The following CADM2 variants were observed in gnomAD, a reference collection of about 807,000 sequenced individuals.
The protein encoded by CADM2 is immunoglobulin superfamily member 4D.
Under a neutral mutation model 49.8 loss-of-function variants are expected in CADM2, and 12 were observed. That is an observed-to-expected ratio of 0.24 (90% CI 0.15 to 0.39). CADM2 has a LOEUF of 0.39. Ranked by LOEUF, CADM2 falls within the 10% of genes least tolerant of loss-of-function variation. CADM2 has a pLI of 1.00. For synonymous variants in CADM2, 214 were observed against 175.4 expected (o/e 1.22, Z -1.74); for missense variants, 378 against 492.3 (o/e 0.77, Z 2.20).
intron 1 of CADM2, among the ~76,000 whole-genome samples, chr3:85,059,776 G>T (rs1220043365): frequency 6.6e-6 from 1 of 152,152 alleles, no homozygotes; most frequent in South Asian, 2.1e-4. Context: ...CAATTGTGAG[G>T]TCTCCCCAGC....
At chr3:85,338,787 A>C (rs1232861040) in intron 1 of CADM2, among the ~76,000 whole-genome samples, 1 of 151,464 alleles carries the variant, frequency 6.6e-6, no homozygotes, top group Non-Finnish European at 1.5e-5. Context: ...AAAGTCACCA[A>C]ATTTTGGCTC....
At chr3:85,907,651 C>A (rs531087688) in intron 5 of CADM2, among the ~76,000 whole-genome samples, 2 of 152,226 alleles carry the variant, frequency 1.3e-5, no homozygotes, top group South Asian at 4.2e-4. Context: ...TGGCTCACAC[C>A]TATAATCCTA....
At chr3:85,919,622 C>T (rs1054788223) in intron 6 of CADM2, among the ~76,000 whole-genome samples, 3 of 151,732 alleles carry the variant, frequency 2.0e-5, no homozygotes, top group East Asian at 3.9e-4. Flanking sequence ...AGTTACCATG[C>T]GAATTACTAA....
chr3:85,264,500 TTCA>T (rs1357303011), intron 1 of CADM2, among the ~76,000 whole-genome samples: 1 of 152,106 alleles, frequency 6.6e-6, no homozygotes, highest in Non-Finnish European at 1.5e-5. Flanking sequence ...GGACTATTCT[TTCA>T]CTTGCCTAGT....
chr3:85,789,853 TGGCA>T lies in CADM2; in HGVS notation c.89-12191_89-12188del, dbSNP rs2071221997. Among the ~76,000 whole-genome samples, 3 of 152,214 alleles carry T rather than the reference TGGCA, an allele frequency of 2.0e-5. No homozygotes were observed. The South Asian group carries it at 6.2e-4, about 31-fold the overall frequency. On this transcript the variant is annotated intron_variant, in intron 2 of 9. Coordinates refer to ENST00000383699, the MANE Select transcript of CADM2 (RefSeq NM_001167675.2). ...ACAAGTTTGTGTTCATTTTGCATTT[TGGCA>T]GGGTAATAAGCAGAAAAGCTAAGAA...
At chr3:85,375,297 A>G (rs2033524883) in intron 1 of CADM2, among the ~76,000 whole-genome samples, 1 of 152,162 alleles carries the variant, frequency 6.6e-6, no homozygotes, top group South Asian at 2.1e-4. Context: ...TTTGATTCCA[A>G]TTAAATTTCT....
At chr3:85,125,675 C>A (rs1392852810) in intron 1 of CADM2, among the ~76,000 whole-genome samples, 1 of 152,178 alleles carries the variant, frequency 6.6e-6, no homozygotes, top group East Asian at 1.9e-4. Context: ...CTCTTGGGGA[C>A]TCTTCAGTTG....
chr3:85,400,554 A>G (rs2035049595), intron 1 of CADM2, among the ~76,000 whole-genome samples: 1 of 152,148 alleles, frequency 6.6e-6, no homozygotes, highest in Admixed American at 6.5e-5. Flanking sequence ...CTCTGGTAGA[A>G]TTCGGCTGTG....
chr3:85,257,717 TC>T (rs1279903071), intron 1 of CADM2, among the ~76,000 whole-genome samples: 2 of 152,162 alleles, frequency 1.3e-5, no homozygotes, highest in African/African-American at 4.8e-5. Context: ...GGCTGTCTCT[TC>T]TTCACTGGTG....
At chr3:85,943,703 A>G (rs1722269155) in intron 7 of CADM2, among the ~76,000 whole-genome samples, 1 of 151,940 alleles carries the variant, frequency 6.6e-6, no homozygotes, top group South Asian at 2.1e-4. Context: ...AAACAGAGAT[A>G]TAGATCAATG....
intron 1 of CADM2, among the ~76,000 whole-genome samples, chr3:85,171,932 G>T (rs1178013861): frequency 6.6e-6 from 1 of 152,066 alleles, no homozygotes; most frequent in Non-Finnish European, 1.5e-5. Flanking sequence ...AATTTACACT[G>T]CAAAAAGACT....
intron 1 of CADM2, among the ~76,000 whole-genome samples, chr3:85,441,592 G>T (rs1436158636): frequency 6.6e-6 from 1 of 151,894 alleles, no homozygotes; most frequent in African/African-American, 2.4e-5. Flanking sequence ...TAACATTCTG[G>T]ATTTATAATC....
chr3:85,629,955 C>T (rs1047677202), intron 1 of CADM2, among the ~76,000 whole-genome samples: 1 of 151,902 alleles, frequency 6.6e-6, no homozygotes, highest in African/African-American at 2.4e-5. Context: ...ATGTCAAATG[C>T]TCATTAAGTG....
intron 7 of CADM2, among the ~76,000 whole-genome samples, chr3:85,942,116 G>GT (rs1721988435): frequency 6.6e-6 from 1 of 152,010 alleles, no homozygotes; most frequent in South Asian, 2.1e-4. Context: ...TTTACCCAGT[G>GT]TTTTTTAGCA....
intron 1 of CADM2, among the ~76,000 whole-genome samples, chr3:85,216,256 A>C (rs1004807014): frequency 6.8e-6 from 1 of 148,118 alleles, no homozygotes; most frequent in Non-Finnish European, 1.5e-5. Flanking sequence ...GACTATTAAA[A>C]TATTTAATAG....
intron 2 of CADM2, among the ~76,000 whole-genome samples, chr3:85,796,738 G>A (rs2071646872): frequency 6.6e-6 from 1 of 151,908 alleles, no homozygotes; most frequent in South Asian, 2.1e-4. Flanking sequence ...TTCCAGTGGG[G>A]GAACAGCGCT....
At chr3:85,518,044 T>C (rs2060944696) in intron 1 of CADM2, among the ~76,000 whole-genome samples, 1 of 152,196 alleles carries the variant, frequency 6.6e-6, no homozygotes, top group Admixed American at 6.5e-5. Context: ...TCTCTCTCTG[T>C]TGTCCAGGCT....
chr3:85,673,870 T>C (rs999138143), intron 1 of CADM2, among the ~76,000 whole-genome samples: 2 of 152,218 alleles, frequency 1.3e-5, no homozygotes, highest in African/African-American at 4.8e-5. Flanking sequence ...CTCAGTATTA[T>C]ATTTGAATTA....
At chr3:85,806,099 G>T (rs780070147) in intron 3 of CADM2, among the ~76,000 whole-genome samples, 29 of 145,490 alleles carry the variant, frequency 2.0e-4, no homozygotes, top group Non-Finnish European at 3.2e-4. Flanking sequence ...TCTCTGAAGA[G>T]TTCTGCATCC....
Sources: gnomAD v4.1 joint callset for allele counts (sites outside exome capture counted in the v4.1 genomes callset) on GRCh38, gnomAD v4.1.1 for gene constraint, MANE v1.5 for transcripts, NCBI Gene and HGNC (gene_info 2026-07-23, HGNC 2026-07-21) for gene names.